CPA6: variants seen among roughly 807,000 people sequenced by gnomAD.
CPA6 encodes the protein carboxypeptidase B.
Under a neutral mutation model 63.3 loss-of-function variants are expected in CPA6, and 58 were observed. The ratio of observed to expected loss-of-function variants is 0.92; its 90% confidence interval spans 0.74 to 1.14. CPA6 has a LOEUF of 1.14. Ranked by LOEUF, CPA6 falls within the 50% of genes most tolerant of loss-of-function variation. The pLI is 0.00. For synonymous variants in CPA6, 185 were observed against 179.0 expected (o/e 1.03, Z -0.27); for missense variants, 565 against 526.6 (o/e 1.07, Z -0.71).
chr8:67,571,487 A>T (rs1429302048), intron 2 of CPA6, among the ~76,000 whole-genome samples: 3 of 152,238 alleles, frequency 2.0e-5, no homozygotes, highest in Admixed American at 2.0e-4. Context: ...AAGAAGATTG[A>T]AATCATATCA....
intron 6 of CPA6, among the ~76,000 whole-genome samples, chr8:67,505,317 C>T (rs1811904925): frequency 4.6e-5 from 7 of 152,138 alleles, no homozygotes; most frequent in Admixed American, 3.9e-4. Context: ...TAGAGTTTCT[C>T]TTGTTGGAGT....
chr8:67,442,185 A>C (rs1810308929), intron 8 of CPA6, among the ~76,000 whole-genome samples: 1 of 152,140 alleles, frequency 6.6e-6, no homozygotes, highest in Non-Finnish European at 1.5e-5. Context: ...AACTTAACAA[A>C]AATTTTTGAA....
At chr8:67,736,457 G>A (rs1225186974) in intron 1 of CPA6, among the ~76,000 whole-genome samples, 1 of 152,130 alleles carries the variant, frequency 6.6e-6, no homozygotes, top group Non-Finnish European at 1.5e-5. Flanking sequence ...CATGAATGAT[G>A]TCCTGAATGG....
chr8:67,540,871 C>G (rs1812689753), intron 2 of CPA6, among the ~76,000 whole-genome samples: 2 of 152,202 alleles, frequency 1.3e-5, no homozygotes, highest in South Asian at 4.1e-4. Flanking sequence ...GCTCCAGTGT[C>G]CCAGGTTGAC....
At chr8:67,518,529 CAG>C (rs1812197158) in intron 2 of CPA6, among the ~76,000 whole-genome samples, 1 of 126,950 alleles carries the variant, frequency 7.9e-6, no homozygotes, top group Non-Finnish European at 1.6e-5. Context: ...TTTTTTGAGA[CAG>C]AGTCTTTCTC....
chr8:67,699,712 C>T (rs1389721251), intron 1 of CPA6, among the ~76,000 whole-genome samples: 3 of 151,890 alleles, frequency 2.0e-5, no homozygotes, highest in Non-Finnish European at 4.4e-5. Context: ...CTCAGCCTCC[C>T]GAGTAGCTGG....
intron 1 of CPA6, among the ~76,000 whole-genome samples, chr8:67,698,395 A>G (rs1816951970): frequency 6.6e-6 from 1 of 152,132 alleles, no homozygotes; most frequent in African/African-American, 2.4e-5. Context: ...CTAAACTTAT[A>G]TCCTACTTCT....
At chr8:67,709,025 G>A (rs1817197657) in intron 1 of CPA6, among the ~76,000 whole-genome samples, 2 of 152,142 alleles carry the variant, frequency 1.3e-5, no homozygotes, top group African/African-American at 4.8e-5. Flanking sequence ...ATAAGCTCTC[G>A]GGAGTTGGGA....
At chr8:67,677,275 G>C (rs968600585) in intron 1 of CPA6, among the ~76,000 whole-genome samples, 7 of 151,644 alleles carry the variant, frequency 4.6e-5, no homozygotes, top group African/African-American at 1.7e-4. Flanking sequence ...CTGTTCCACA[G>C]CAGCTACTCC....
intron 8 of CPA6, among the ~76,000 whole-genome samples, chr8:67,475,437 G>A (rs990567523): frequency 6.6e-6 from 1 of 152,216 alleles, no homozygotes; most frequent in African/African-American, 2.4e-5. Context: ...AAATGATCAA[G>A]AAAACAATGT....
intron 2 of CPA6, among the ~76,000 whole-genome samples, chr8:67,521,388 A>G (rs1812254683): frequency 6.6e-6 from 1 of 152,264 alleles, no homozygotes; most frequent in South Asian, 2.1e-4. Flanking sequence ...TAACATTTTA[A>G]CATTTCTGAG....
chr8:67,742,159 A>G (rs1193441570), intron 1 of CPA6, among the ~76,000 whole-genome samples: 1 of 151,974 alleles, frequency 6.6e-6, no homozygotes, highest in East Asian at 1.9e-4. Context: ...TGTGTGTGTG[A>G]CAACAGAAAG....
At chr8:67,590,050 C>T (rs894330875) in intron 2 of CPA6, among the ~76,000 whole-genome samples, 2 of 151,634 alleles carry the variant, frequency 1.3e-5, no homozygotes, top group Non-Finnish European at 2.9e-5. Flanking sequence ...TCCCCCCACC[C>T]CACAACAGTC....
intron 2 of CPA6, among the ~76,000 whole-genome samples, chr8:67,534,219 A>G (rs1044976392): frequency 6.6e-6 from 1 of 152,136 alleles, no homozygotes; most frequent in Non-Finnish European, 1.5e-5. Context: ...TAAGGAGGAT[A>G]TTTTAAAAAA....
chr8:67,507,878 G>A (rs531372900), intron 5 of CPA6, among the ~76,000 whole-genome samples: 29 of 152,196 alleles, frequency 1.9e-4, no homozygotes, highest in African/African-American at 6.7e-4. Context: ...GAATCTGAGC[G>A]CACCATATTG....
At chr8:67,607,807 G>T (rs960672813) in intron 2 of CPA6, among the ~76,000 whole-genome samples, 1 of 152,120 alleles carries the variant, frequency 6.6e-6, no homozygotes, top group Admixed American at 6.6e-5. Context: ...CTAAGCTCAG[G>T]CTATACACTA....
chr8:67,629,729 G>GT (rs977527149), intron 1 of CPA6, among the ~76,000 whole-genome samples: 32 of 152,118 alleles, frequency 2.1e-4, no homozygotes, highest in African/African-American at 7.7e-4. Flanking sequence ...AATATAGTGG[G>GT]TTTGCTGAGG....
chr8:67,440,377 C>A (rs977824870), intron 8 of CPA6, among the ~76,000 whole-genome samples: 1 of 152,140 alleles, frequency 6.6e-6, no homozygotes, highest in African/African-American at 2.4e-5. Flanking sequence ...TTGAGACCAG[C>A]CTGGCCAACG....
At chr8:67,453,727 C>T (rs372140555) in intron 8 of CPA6, among the ~76,000 whole-genome samples, 13 of 152,228 alleles carry the variant, frequency 8.5e-5, no homozygotes, top group Admixed American at 4.6e-4. Flanking sequence ...GGTGCTTCTC[C>T]GATATGTGCT....
Sources: gnomAD v4.1 joint callset for allele counts (sites outside exome capture counted in the v4.1 genomes callset) on GRCh38, gnomAD v4.1.1 for gene constraint, MANE v1.5 for transcripts, NCBI Gene and HGNC (gene_info 2026-07-23, HGNC 2026-07-21) for gene names.